PLPPR1: variants seen among roughly 807,000 people sequenced by gnomAD.
PLPPR1 encodes phospholipid phosphatase-related protein type 1.
Under a neutral mutation model 33.1 loss-of-function variants are expected in PLPPR1, and 10 were observed. The ratio of observed to expected loss-of-function variants is 0.30; its 90% CI spans 0.19 to 0.51. The LOEUF is 0.51. Among genes scored for constraint, PLPPR1 ranks in the 20% least tolerant of loss-of-function variants. PLPPR1 has a pLI of 0.97. For missense variants in PLPPR1, 304 were observed against 408.1 expected (o/e 0.74, Z 2.20); for synonymous variants, 151 against 151.0 (o/e 1.00, Z 0.00).
chr9:101,318,904 C>T (rs541309081), intron 7 of PLPPR1, among the ~76,000 whole-genome samples: 49 of 152,218 alleles, frequency 3.2e-4, no homozygotes, highest in African/African-American at 1.2e-3. Context: ...TGGGGGACAA[C>T]TAATAATATG....
chr9:101,239,380 G>C (rs1250243976), intron 2 of PLPPR1, among the ~76,000 whole-genome samples: 1 of 151,692 alleles, frequency 6.6e-6, no homozygotes, highest in Non-Finnish European at 1.5e-5. Context: ...TGGGAGAGAG[G>C]GAGGTAAGGG....
At chr9:101,242,263 A>G (rs1356384303) in intron 2 of PLPPR1, among the ~76,000 whole-genome samples, 1 of 148,568 alleles carries the variant, frequency 6.7e-6, no homozygotes, top group Non-Finnish European at 1.5e-5. Flanking sequence ...TTTCTCTGAT[A>G]TAGTCTCGGA....
In PLPPR1 at chr9:101,181,159, A is replaced by T. The variant is rs189464435; in HGVS notation, c.-45-4291A>T. ...ATATCTAATATATATTAGATATGTA[A>T]TATATATCTAATATATATATTTATA... On this transcript the variant is annotated intron_variant, in intron 1 of 7. Transcript: ENST00000374874. Among the ~76,000 whole-genome samples, 128 of 147,356 alleles carry T rather than the reference A, an allele frequency of 8.7e-4. 3 individuals carry two copies. In the South Asian group the frequency reaches 0.011, roughly 12 times the overall value.
intron 1 of PLPPR1, among the ~76,000 whole-genome samples, chr9:101,156,019 ACTT>A (rs761252610): frequency 1.4e-3 from 208 of 152,318 alleles, no homozygotes; most frequent in South Asian, 2.7e-3. Context: ...TTTATCCAAC[ACTT>A]CTTCTGGCAG....
intron 1 of PLPPR1, among the ~76,000 whole-genome samples, chr9:101,109,584 C>T (rs1000098025): frequency 3.3e-5 from 5 of 152,016 alleles, no homozygotes; most frequent in East Asian, 3.9e-4. Context: ...TTATTATTCC[C>T]GTAAATTTCA....
chr9:101,153,035 G>A (rs1831614956), intron 1 of PLPPR1, among the ~76,000 whole-genome samples: 1 of 152,184 alleles, frequency 6.6e-6, no homozygotes, highest in African/African-American at 2.4e-5. Context: ...CCACGAGCAG[G>A]GAATGTTCTT....
chr9:101,267,831 C>G (rs1828024248), intron 2 of PLPPR1, among the ~76,000 whole-genome samples: 1 of 152,132 alleles, frequency 6.6e-6, no homozygotes, highest in Non-Finnish European at 1.5e-5. Flanking sequence ...TCTTTTGATG[C>G]CTTTCCTCTT....
intron 4 of PLPPR1, among the ~76,000 whole-genome samples, chr9:101,296,488 ACACATG>A (rs1488738086): frequency 6.6e-6 from 1 of 151,962 alleles, no homozygotes; most frequent in Non-Finnish European, 1.5e-5. Flanking sequence ...TGCTATAAAG[ACACATG>A]CACATGTATG....
Position 101,108,011 on chromosome 9 carries a change from G to T in PLPPR1, c.-45-77439G>T, listed in dbSNP as rs1197583887. ...AATGCCTCGCCCTGCTTCGGCTCGC[G>T]CACGGTGCGCGCACACACTGGCCTG... On this transcript the variant is annotated intron_variant, in intron 1 of 7. Transcript: ENST00000374874. Among the ~76,000 whole-genome samples, 7 of 148,558 alleles carry T rather than the reference G, an allele frequency of 4.7e-5. 1 individual carries two copies. Among genetic ancestry groups the T allele is most frequent in the East Asian group, 2.0e-4 (1 of 4,904 alleles).
intron 2 of PLPPR1, among the ~76,000 whole-genome samples, chr9:101,266,886 A>G (rs1828008242): frequency 6.6e-6 from 1 of 152,174 alleles, no homozygotes; most frequent in African/African-American, 2.4e-5. Flanking sequence ...AGGAAGTGGT[A>G]GCACAAAGAT....
chr9:101,183,431 C>T (rs1190635432), intron 1 of PLPPR1, among the ~76,000 whole-genome samples: 1 of 151,600 alleles, frequency 6.6e-6, no homozygotes, highest in Non-Finnish European at 1.5e-5. Context: ...TTATTCTATT[C>T]ATTTAAAATA....
At chr9:101,289,089 C>T (rs998152053) in intron 4 of PLPPR1, among the ~76,000 whole-genome samples, 10 of 152,224 alleles carry the variant, frequency 6.6e-5, no homozygotes, top group African/African-American at 1.7e-4. Flanking sequence ...TCATGCTAAA[C>T]GGCTTCACAT....
intron 4 of PLPPR1, among the ~76,000 whole-genome samples, chr9:101,287,071 A>C (rs975293227): frequency 5.3e-5 from 8 of 152,202 alleles, no homozygotes; most frequent in African/African-American, 1.9e-4. Context: ...GAAATGATTG[A>C]ATTTCTTCAA....
intron 1 of PLPPR1, among the ~76,000 whole-genome samples, chr9:101,168,207 G>C (rs1825888516): frequency 6.6e-6 from 1 of 152,064 alleles, no homozygotes; most frequent in African/African-American, 2.4e-5. Flanking sequence ...CACCTAATAA[G>C]TCTCCCTCTG....
chr9:101,123,302 G>T (rs4998243), intron 1 of PLPPR1, among the ~76,000 whole-genome samples: 71,330 of 151,778 alleles, frequency 0.47, 17,208 homozygotes, highest in Non-Finnish European at 0.53. Flanking sequence ...TTATGGTTAG[G>T]TCTCTGAGCT....
chr9:101,254,207 A>G (rs1827760317), intron 2 of PLPPR1, among the ~76,000 whole-genome samples: 1 of 151,534 alleles, frequency 6.6e-6, no homozygotes, highest in African/African-American at 2.4e-5. Flanking sequence ...TAATTATACA[A>G]CTCACCATAC....
At chr9:101,096,557 T>C (rs1450077716) in intron 1 of PLPPR1, among the ~76,000 whole-genome samples, 1 of 152,192 alleles carries the variant, frequency 6.6e-6, no homozygotes, top group South Asian at 2.1e-4. Context: ...AATAAGCACA[T>C]GAATATCAAA....
At chr9:101,032,039 G>A (rs986471779) in intron 1 of PLPPR1, among the ~76,000 whole-genome samples, 1 of 152,116 alleles carries the variant, frequency 6.6e-6, no homozygotes, top group African/African-American at 2.4e-5. Flanking sequence ...TCTTGAACAA[G>A]GACAAGGAGG....
intron 2 of PLPPR1, among the ~76,000 whole-genome samples, chr9:101,212,099 C>T (rs770023947): frequency 3.3e-5 from 5 of 151,696 alleles, no homozygotes; most frequent in Non-Finnish European, 7.4e-5. Context: ...TTGTTTGTTT[C>T]TGAGATGGAG....
Sources: gnomAD v4.1 joint callset for allele counts (sites outside exome capture counted in the v4.1 genomes callset) on GRCh38, gnomAD v4.1.1 for gene constraint, MANE v1.5 for transcripts, NCBI Gene and HGNC (gene_info 2026-07-23, HGNC 2026-07-21) for gene names.